The following REDIC1 variants were observed in gnomAD, a reference collection of about 807,000 sequenced individuals.
REDIC1 encodes the protein regulator of DNA class I crossover intermediates 1.
At chr12:39,711,401 A>C in the REDIC1 span, among the ~76,000 whole-genome samples, 26 of 146,050 alleles carry the variant, frequency 1.8e-4, no homozygotes, top group African/African-American at 6.5e-4. Flanking sequence ...GTACATATAC[A>C]CATAGATGTA....
chr12:39,896,244 GTATA>G, the REDIC1 span, among the ~76,000 whole-genome samples: 47 of 95,328 alleles, frequency 4.9e-4, 1 homozygote, highest in Non-Finnish European at 9.7e-4. Context: ...GTGTATATAT[GTATA>G]CATGTATGTA....
chr12:39,786,076 CATG>C, the REDIC1 span, among the ~76,000 whole-genome samples: 334 of 152,180 alleles, frequency 2.2e-3, 1 homozygote, highest in African/African-American at 7.5e-3. Context: ...GTTGGGAAGG[CATG>C]ATTAGTTTTG....
the REDIC1 span, chr12:39,682,786 ACTC>A: frequency 1.2e-6 from 2 of 1,613,122 alleles, no homozygotes; most frequent in South Asian, 1.1e-5. Flanking sequence ...GAACCAGTCT[ACTC>A]CTAACCTTCT....
At chr12:39,852,769 C>CCTCTCCTGAAACCAATCAGATTGGTT in the REDIC1 span, among the ~76,000 whole-genome samples, 1 of 152,164 alleles carries the variant, frequency 6.6e-6, no homozygotes, top group Non-Finnish European at 1.5e-5. Context: ...TCTGATTGGT[C>CCTCTCCTGAAACCAATCAGATTGGTT]CTCTCCTGAA....
At chr12:39,724,648 C>T in the REDIC1 span, among the ~76,000 whole-genome samples, 1 of 152,110 alleles carries the variant, frequency 6.6e-6, no homozygotes, top group Non-Finnish European at 1.5e-5. Context: ...ATAGGTATAA[C>T]TAAAAGGTTA....
the REDIC1 span, among the ~76,000 whole-genome samples, chr12:39,676,319 C>G: frequency 6.6e-6 from 1 of 152,032 alleles, no homozygotes; most frequent in South Asian, 2.1e-4. Context: ...TGGAAAGTTT[C>G]AACAATAGAA....
chr12:39,751,288 C>T, the REDIC1 span, among the ~76,000 whole-genome samples: 1 of 152,166 alleles, frequency 6.6e-6, no homozygotes, highest in Admixed American at 6.5e-5. Flanking sequence ...AGCCAGCAGA[C>T]ACATGAAAAA....
At chr12:39,630,596 G>A in the REDIC1 span, among the ~76,000 whole-genome samples, 1 of 152,148 alleles carries the variant, frequency 6.6e-6, no homozygotes, top group African/African-American at 2.4e-5. Flanking sequence ...TTGCCATTAA[G>A]TTAGAAAATA....
the REDIC1 span, among the ~76,000 whole-genome samples, chr12:39,896,302 A>G: frequency 7.0e-6 from 1 of 143,254 alleles, no homozygotes; most frequent in Non-Finnish European, 1.5e-5. Context: ...GTGTGTATAT[A>G]TGTATACATA....
the REDIC1 span, among the ~76,000 whole-genome samples, chr12:39,787,143 G>A: frequency 5.3e-5 from 8 of 152,080 alleles, no homozygotes; most frequent in African/African-American, 1.9e-4. Flanking sequence ...TTCGGTATAT[G>A]GCTAGTTTTA....
chr12:39,871,831 C>T, the REDIC1 span: 1 of 1,610,826 alleles, frequency 6.2e-7, no homozygotes, highest in Non-Finnish European at 8.5e-7. Flanking sequence ...TTTCTGCGGC[C>T]CACCTTCTCA....
the REDIC1 span, among the ~76,000 whole-genome samples, chr12:39,714,701 G>T: frequency 1.3e-5 from 2 of 151,590 alleles, no homozygotes; most frequent in Non-Finnish European, 3.0e-5. Flanking sequence ...AGTGTTCCCT[G>T]TTCACCACTC....
At chr12:39,896,766 A>G in the REDIC1 span, among the ~76,000 whole-genome samples, 1 of 152,102 alleles carries the variant, frequency 6.6e-6, no homozygotes, top group South Asian at 2.1e-4. Context: ...TATTTTTCAC[A>G]TAATCAAAAG....
chr12:39,751,315 G>T, the REDIC1 span, among the ~76,000 whole-genome samples: 3 of 152,160 alleles, frequency 2.0e-5, no homozygotes, highest in South Asian at 2.1e-4. Context: ...ATCATCACTG[G>T]CCATCAGAGA....
the REDIC1 span, among the ~76,000 whole-genome samples, chr12:39,869,783 G>A: frequency 6.6e-6 from 1 of 152,184 alleles, no homozygotes; most frequent in Non-Finnish European, 1.5e-5. Context: ...GACGATGGAG[G>A]CTGCTTTTGC....
At chr12:39,813,892 T>C in the REDIC1 span, among the ~76,000 whole-genome samples, 1 of 152,256 alleles carries the variant, frequency 6.6e-6, no homozygotes, top group Non-Finnish European at 1.5e-5. Flanking sequence ...CGCTGAAGAA[T>C]GTCATTCCTG....
At chr12:39,817,813 T>C in the REDIC1 span, among the ~76,000 whole-genome samples, 1,933 of 152,262 alleles carry the variant, frequency 0.013, 41 homozygotes, top group African/African-American at 0.043. Flanking sequence ...CCGGGGCAAT[T>C]CTGCTTACTT....
the REDIC1 span, among the ~76,000 whole-genome samples, chr12:39,710,699 T>C: frequency 5.3e-5 from 8 of 151,688 alleles, no homozygotes; most frequent in African/African-American, 1.9e-4. Flanking sequence ...TTCCCTGGGG[T>C]TCATCACACT....
the REDIC1 span, among the ~76,000 whole-genome samples, chr12:39,633,506 T>G: frequency 6.6e-6 from 1 of 152,238 alleles, no homozygotes; most frequent in Admixed American, 6.5e-5. Context: ...AGAAGGACTA[T>G]GTGCTAAAAT....
Sources: gnomAD v4.1 joint callset for allele counts (sites outside exome capture counted in the v4.1 genomes callset) on GRCh38, gnomAD v4.1.1 for gene constraint, MANE v1.5 for transcripts, NCBI Gene and HGNC (gene_info 2026-07-23, HGNC 2026-07-21) for gene names.